Variants in PUM1 observed in about 807,000 individuals in gnomAD.
The protein encoded by PUM1 is pumilio RNA binding family member 1.
In PUM1, 13 loss-of-function variants were observed where a neutral mutation model predicts 131.8. The ratio of observed to expected loss-of-function variants is 0.10; its 90% CI spans 0.06 to 0.16. PUM1 has a LOEUF of 0.16. PUM1 is among the 10% of genes least tolerant of loss of function. The probability of loss-of-function intolerance (pLI) is 1.00; values close to 1 mark genes in which losing one functional copy is unlikely to be tolerated. For missense variants in PUM1, 961 were observed against 1,512.4 expected, an observed-to-expected ratio of 0.64 and a Z score of 6.05; for synonymous variants, 509 against 556.5, an observed-to-expected ratio of 0.91 and a Z score of 1.20.
At chr1:30,939,842 ACT>A (rs1477337896) in intron 20 of PUM1, among the ~76,000 whole-genome samples, 1 of 152,038 alleles carries the variant, frequency 6.6e-6, no homozygotes, top group Admixed American at 6.5e-5. Flanking sequence ...AGGGCAACAG[ACT>A]CTGTCCCTTA....
chr1:30,987,020 G>T (rs1641588848), intron 7 of PUM1, among the ~76,000 whole-genome samples: 2 of 152,202 alleles, frequency 1.3e-5, no homozygotes, highest in South Asian at 2.1e-4. Flanking sequence ...TAAAATTCAT[G>T]CTTAACAGAT....
chr1:31,019,676 TC>T (rs1642950737), intron 3 of PUM1, among the ~76,000 whole-genome samples: 1 of 152,232 alleles, frequency 6.6e-6, no homozygotes, highest in Non-Finnish European at 1.5e-5. Context: ...AGTAAAGGTT[TC>T]TTTATACCTT....
chr1:30,978,788 G>C (rs1460448214), intron 9 of PUM1, among the ~76,000 whole-genome samples: 1 of 152,062 alleles, frequency 6.6e-6, no homozygotes. Context: ...TAAAAATCTA[G>C]TCTCAAGGGA....
At chr1:31,053,551 C>T (rs371832553) in intron 2 of PUM1, among the ~76,000 whole-genome samples, 1 of 149,906 alleles carries the variant, frequency 6.7e-6, no homozygotes, top group Non-Finnish European at 1.5e-5. Context: ...CGGCTCACTG[C>T]AACCTACGTC....
intron 2 of PUM1, among the ~76,000 whole-genome samples, chr1:31,044,800 G>C (rs1643913286): frequency 6.6e-6 from 1 of 151,788 alleles, no homozygotes; most frequent in Non-Finnish European, 1.5e-5. Context: ...TTATTGTTTT[G>C]TTTTGTTTTT....
At chr1:30,957,453 T>A (rs886711826) in intron 14 of PUM1, among the ~76,000 whole-genome samples, 1 of 151,968 alleles carries the variant, frequency 6.6e-6, no homozygotes, top group Non-Finnish European at 1.5e-5. Flanking sequence ...CCACTATAGC[T>A]CTGGGGGTTT....
Position 30,952,357 on chromosome 1 carries a change from A to G in PUM1, c.2598T>C (p.Ile866=). The G allele has an allele frequency of 6.2e-7, 1 of 1,613,820 alleles. No individual in the cohort carries two copies. The highest frequency in any genetic ancestry group is 8.5e-7 in the Non-Finnish European group (1 of 1,179,746). The change falls in exon 16 of 22, where the codon ATT becomes ATC. Residue 866 remains isoleucine (I), a synonymous_variant. Transcript: ENST00000426105. ...GTGTGGCACGCTCCAGTTTCAGCTGAATGAATCTGAAGTACAAAGTAAAAA... is the reference window on the plus strand; with the variant it reads ...GTGTGGCACGCTCCAGTTTCAGCTGGATGAATCTGAAGTACAAAGTAAAAA... ...FSQDQHGSRF[I]QLKLERATPA... is the part of the protein sequence containing the mutation.
chr1:31,064,410 T>C (rs888010816), intron 1 of PUM1, among the ~76,000 whole-genome samples: 15 of 152,272 alleles, frequency 9.9e-5, no homozygotes, highest in Admixed American at 7.2e-4. Flanking sequence ...CAGTGTTTTA[T>C]AAAGTTAAAA....
Position 31,065,656 on chromosome 1 carries a change from T to A in PUM1, c.-52A>T. The A allele has an allele frequency of 6.5e-7, 1 of 1,549,700 alleles. No homozygotes were observed. Among genetic ancestry groups the A allele is most frequent in the Non-Finnish European group, 8.7e-7 (1 of 1,146,838 alleles). ...ATGAAGATGGATTTCAGCCCCCCGA[T>A]CTTCTCTCTCTGGCGCTCTCGCTCC... On this transcript the variant is annotated 5_prime_UTR_variant, in exon 1 of 22. Transcript: ENST00000426105.
chr1:31,034,597 A>G (rs1001776807), intron 2 of PUM1, among the ~76,000 whole-genome samples: 1 of 152,124 alleles, frequency 6.6e-6, no homozygotes, highest in Non-Finnish European at 1.5e-5. Flanking sequence ...AGTGCCCTTT[A>G]AAAAAACAGA....
chr1:30,975,356 G>T lies in PUM1; in HGVS notation c.1355-554C>A, dbSNP rs10716925. 8.8e-3 allele frequency among the ~76,000 whole-genome samples: 525 copies of T among 59,652 alleles called. 4 individuals are homozygous for T. Among genetic ancestry groups the T allele is most frequent in the South Asian group, 0.053 (104 of 1,956 alleles). 39.1% of individuals were successfully genotyped at this position (59,652 alleles called of 152,430 possible). ...GTTGCTGTTACTGTTTGTTTTTTTTGTTTTTTTGTTTTTTGAGACAGGGTC... is the reference window on the plus strand; with the variant it reads ...GTTGCTGTTACTGTTTGTTTTTTTTTTTTTTTTGTTTTTTGAGACAGGGTC... On this transcript the variant is annotated intron_variant, in intron 9 of 21. Coordinates refer to ENST00000426105, the MANE Select transcript of PUM1 (RefSeq NM_001020658.2).
At chr1:30,990,402 T>C (rs1165012485) in intron 7 of PUM1, among the ~76,000 whole-genome samples, 1 of 151,690 alleles carries the variant, frequency 6.6e-6, no homozygotes, top group Non-Finnish European at 1.5e-5. Flanking sequence ...AGCTTTTTGG[T>C]TTGGAGACTA....
intron 21 of PUM1, among the ~76,000 whole-genome samples, chr1:30,935,218 C>T (rs1224163737): frequency 6.6e-6 from 1 of 152,212 alleles, no homozygotes; most frequent in Non-Finnish European, 1.5e-5. Context: ...CTCCACTGAA[C>T]TTGTTTTACT....
Position 30,997,372 on chromosome 1 carries a change from C to T in PUM1, c.721-2152G>A, listed in dbSNP as rs907687395. On this transcript the variant is annotated intron_variant, in intron 5 of 21. Transcript: ENST00000426105. ...AGAAAAATACAAAAATTAGGCAGCA[C>T]CTGAAATCCCAGCTACTCGGGAGGC... Among the ~76,000 whole-genome samples the T allele has an allele frequency of 3.9e-5, 6 of 152,116 alleles. No individual in the cohort carries two copies. In the East Asian group the frequency reaches 1.2e-3, roughly 29 times the overall value.
rs769688455 is a variant in PUM1 at position 30,980,119 on chromosome 1, C to T, written c.1297G>A (p.Ala433Thr). ...TAGGGGTCCGTCCCTGGGGGAGCAGCGCTGATGATGTATGGATTGGGGACA... is the reference window on the plus strand; with the variant it reads ...TAGGGGTCCGTCCCTGGGGGAGCAGTGCTGATGATGTATGGATTGGGGACA... ...AFVPNPYIIS[A>T]APPGTDPYTA... Residue 433 changes from alanine (A) to threonine (T), a missense_variant, in exon 9 of 22, where the codon GCT (alanine) becomes ACT (threonine). Coordinates refer to ENST00000426105, the MANE Select transcript of PUM1 (RefSeq NM_001020658.2). The T allele has an allele frequency of 1.5e-5, 24 of 1,613,870 alleles. No individual in the cohort carries two copies. The highest frequency in any genetic ancestry group is 9.3e-5 in the African/African-American group (7 of 74,898).
intron 14 of PUM1, among the ~76,000 whole-genome samples, chr1:30,962,555 C>T (rs1289204666): frequency 2.6e-5 from 4 of 151,980 alleles, no homozygotes; most frequent in African/African-American, 9.7e-5. Flanking sequence ...GGACTACAGG[C>T]ACACGCCACC....
chr1:31,026,129 A>G (rs1364616110), intron 3 of PUM1, among the ~76,000 whole-genome samples: 1 of 151,872 alleles, frequency 6.6e-6, no homozygotes, highest in Non-Finnish European at 1.5e-5. Context: ...GGCGGCATGC[A>G]CCTGTAGTCC....
chr1:31,006,362 C>T (rs1642401624), intron 4 of PUM1, among the ~76,000 whole-genome samples: 1 of 152,102 alleles, frequency 6.6e-6, no homozygotes, highest in South Asian at 2.1e-4. Flanking sequence ...TATGATTTTA[C>T]TGCCCTTTTT....
intron 5 of PUM1, among the ~76,000 whole-genome samples, chr1:30,995,576 AACTCTGTATAAT>A (rs1426691658): frequency 1.3e-5 from 2 of 151,916 alleles, no homozygotes; most frequent in Non-Finnish European, 2.9e-5. Context: ...TCCCAAACCT[AACTCTGTATAAT>A]AGCATGACTC....
Sources: allele counts gnomAD v4.1 joint callset (sites outside exome capture counted in the v4.1 genomes callset), GRCh38; gene constraint gnomAD v4.1.1; transcripts MANE v1.5; gene names NCBI Gene and HGNC (gene_info 2026-07-23, HGNC 2026-07-21).